The following METAP1D variants were observed in gnomAD, a reference collection of about 807,000 sequenced individuals.
METAP1D encodes methionine aminopeptidase 1D, mitochondrial.
METAP1D carries 31 observed loss-of-function variants against 40.5 expected under a neutral mutation model. That is an observed-to-expected ratio of 0.77 (90% CI 0.58 to 1.03). METAP1D has a LOEUF of 1.03. Among genes scored for constraint, METAP1D ranks in the 50% least tolerant of loss-of-function variants. METAP1D has a pLI of 0.00. For missense variants in METAP1D, 411 were observed against 420.7 expected, an observed-to-expected ratio of 0.98 and a Z score of 0.20; for synonymous variants, 151 against 146.4, an observed-to-expected ratio of 1.03 and a Z score of -0.22.
At chr2:172,001,450 A>G (rs7557717) in intron 1 of METAP1D, among the ~76,000 whole-genome samples, 64,893 of 151,574 alleles carry the variant, frequency 0.43, 15,376 homozygotes, top group Middle Eastern at 0.59. Flanking sequence ...AGGTAGGAAA[A>G]TTGCTTTAAC....
Position 172,029,904 on chromosome 2 carries a change from C to T in METAP1D, c.40+29895C>T, listed in dbSNP as rs903063735. Among the ~76,000 whole-genome samples the T allele has an allele frequency of 7.3e-4, 111 of 151,426 alleles. 1 individual carries two copies. Among genetic ancestry groups the T allele is most frequent in the African/African-American group, 2.5e-3 (103 of 41,206 alleles). ...CTAGTAGCTGGGATTTACAGGCATG[C>T]GCCACCACATCCAGCTAATTTTTGT... On this transcript the variant is annotated intron_variant, in intron 1 of 9. Coordinates refer to ENST00000315796, the MANE Select transcript of METAP1D (RefSeq NM_199227.3).
At chr2:172,029,627 G>C (rs1356031693) in intron 1 of METAP1D, among the ~76,000 whole-genome samples, 1 of 152,096 alleles carries the variant, frequency 6.6e-6, no homozygotes, top group Non-Finnish European at 1.5e-5. Context: ...AGCATCTGTG[G>C]TGAGCAAATA....
In METAP1D at chr2:172,000,046, C is replaced by A. The variant is rs1042877407; in HGVS notation, c.40+37C>A. On this transcript the variant is annotated intron_variant, in intron 1 of 9. Transcript: ENST00000315796. ...GAGGAGAGCCCCGTGAGGGTTCGCA[C>A]GGTTGCTCACTAGGTACGCACCCGG... The A allele has an allele frequency of 9.4e-6, 12 of 1,276,648 alleles. No individual in the cohort carries two copies. In the African/African-American group the frequency reaches 1.1e-4, roughly 12 times the overall value. 79.1% of individuals were successfully genotyped at this position (1,276,648 alleles called of 1,614,324 possible).
At chr2:172,000,229 C>T (rs931777697) in intron 1 of METAP1D, among the ~76,000 whole-genome samples, 4 of 152,242 alleles carry the variant, frequency 2.6e-5, no homozygotes, top group Admixed American at 2.6e-4. Flanking sequence ...AACACGTCAC[C>T]ACGTGGCATC....
At chr2:172,041,726 T>TTA (rs67708838) in intron 1 of METAP1D, among the ~76,000 whole-genome samples, 1,296 of 37,410 alleles carry the variant, frequency 0.035, 65 homozygotes, top group Admixed American at 0.043. Flanking sequence ...TCTAATTATT[T>TTA]TATATATATA....
chr2:172,004,955 C>T (rs747474910), intron 1 of METAP1D, among the ~76,000 whole-genome samples: 2 of 150,426 alleles, frequency 1.3e-5, no homozygotes, highest in Non-Finnish European at 3.0e-5. Context: ...TTTTCAGGGT[C>T]TCTGTCACGA....
chr2:172,019,847 C>T (rs1227608136), intron 1 of METAP1D, among the ~76,000 whole-genome samples: 2 of 152,118 alleles, frequency 1.3e-5, no homozygotes, highest in East Asian at 3.8e-4. Flanking sequence ...TATATTGTAA[C>T]CATCACTTAA....
rs567168767 is a variant in METAP1D at position 172,007,939 on chromosome 2, G to A, written c.40+7930G>A. ...TCCTGATCTCAAGTGATCCACCTCA[G>A]CCTCCCAAAGTGCTGGGATTACAGG... On this transcript the variant is annotated intron_variant, in intron 1 of 9. Coordinates refer to ENST00000315796, the MANE Select transcript of METAP1D (RefSeq NM_199227.3). Among the ~76,000 whole-genome samples, 15 of 152,004 alleles carry A rather than the reference G, an allele frequency of 9.9e-5. No individual in the cohort carries two copies. In the South Asian group the frequency reaches 3.1e-3, roughly 32 times the overall value.
intron 1 of METAP1D, among the ~76,000 whole-genome samples, chr2:172,056,777 A>C (rs1024202217): frequency 1.3e-5 from 2 of 152,216 alleles, no homozygotes; most frequent in Non-Finnish European, 2.9e-5. Context: ...TAGGGAGAGC[A>C]CTACTACTCC....
At chr2:172,024,411 C>T (rs756122326) in intron 1 of METAP1D, among the ~76,000 whole-genome samples, 49 of 152,030 alleles carry the variant, frequency 3.2e-4, no homozygotes, top group Admixed American at 4.6e-4. Flanking sequence ...TGCTGAAAGA[C>T]CATTACCAAG....
Position 172,042,566 on chromosome 2 carries a change from C to T in METAP1D, c.41-18932C>T, listed in dbSNP as rs1416470373. Among the ~76,000 whole-genome samples the T allele has an allele frequency of 8.1e-5, 4 of 49,388 alleles. 2 individuals are homozygous for T. The highest frequency in any genetic ancestry group is 3.0e-4 in the African/African-American group (4 of 13,160). The allele number at this position is 49,388 out of a possible 152,430, so 32.4% of individuals were successfully genotyped here. On this transcript the variant is annotated intron_variant, in intron 1 of 9. Transcript: ENST00000315796. ...ATATGTGTGTATGTGTACATGTGCA[C>T]ATATATACATATATGTGTGTATGTG... is the stretch of plus-strand genomic sequence containing the variant.
intron 1 of METAP1D, among the ~76,000 whole-genome samples, chr2:172,043,794 C>T (rs561266970): frequency 3.0e-5 from 4 of 135,108 alleles, no homozygotes; most frequent in African/African-American, 1.0e-4. Flanking sequence ...TTAAAGAAGA[C>T]GTTAAATATT....
intron 1 of METAP1D, among the ~76,000 whole-genome samples, chr2:172,030,270 T>G (rs1689210361): frequency 1.3e-5 from 2 of 151,804 alleles, no homozygotes; most frequent in South Asian, 4.2e-4. Flanking sequence ...TTTTTTATTT[T>G]TATTAGAGAC....
chr2:172,073,143 A>G (rs890706753), intron 6 of METAP1D, among the ~76,000 whole-genome samples: 6 of 152,234 alleles, frequency 3.9e-5, no homozygotes, highest in African/African-American at 1.4e-4. Context: ...AGAGCCTAGT[A>G]TACATCAAGG....
intron 1 of METAP1D, among the ~76,000 whole-genome samples, chr2:172,041,296 T>TA (rs1689515848): frequency 6.7e-6 from 1 of 150,118 alleles, no homozygotes; most frequent in Admixed American, 6.7e-5. Flanking sequence ...CTGTCTCTAC[T>TA]AAAAATACAA....
chr2:172,048,559 G>A (rs1408833757), intron 1 of METAP1D, among the ~76,000 whole-genome samples: 1 of 152,122 alleles, frequency 6.6e-6, no homozygotes, highest in Non-Finnish European at 1.5e-5. Context: ...TAAATAGGAA[G>A]GCATATCTTT....
At chr2:172,055,113 C>T (rs1308466034) in intron 1 of METAP1D, among the ~76,000 whole-genome samples, 1 of 152,154 alleles carries the variant, frequency 6.6e-6, no homozygotes, top group African/African-American at 2.4e-5. Context: ...CAGATTAGTC[C>T]ACTTGCCCCT....
intron 1 of METAP1D, among the ~76,000 whole-genome samples, chr2:172,028,542 CTGTGTG>C (rs10529698): frequency 0.18 from 24,798 of 140,956 alleles, 1,933 homozygotes; most frequent in African/African-American, 0.23. Context: ...GTATGTGTGT[CTGTGTG>C]TGTGTGTGTG....
intron 1 of METAP1D, among the ~76,000 whole-genome samples, chr2:172,054,579 C>A (rs1689961538): frequency 6.6e-6 from 1 of 152,018 alleles, no homozygotes; most frequent in South Asian, 2.1e-4. Context: ...TACTTGAATT[C>A]TATAATCCTA....
Sources: allele counts gnomAD v4.1 joint callset (sites outside exome capture counted in the v4.1 genomes callset), GRCh38; gene constraint gnomAD v4.1.1; transcripts MANE v1.5; gene names NCBI Gene and HGNC (gene_info 2026-07-23, HGNC 2026-07-21).